Variants in CENPF observed in about 807,000 individuals in gnomAD.
CENPF encodes AH antigen.
CENPF carries 214 observed loss-of-function variants against 307.3 expected under a neutral mutation model. The ratio of observed to expected loss-of-function variants is 0.70; its 90% CI spans 0.62 to 0.78. The LOEUF (loss-of-function observed/expected upper bound fraction) is 0.78. CENPF is among the 30% of genes least tolerant of loss of function. CENPF has a pLI of 0.00. For missense variants in CENPF, 3,401 were observed against 3,483.9 expected (o/e 0.98, Z 0.60); for synonymous variants, 1,259 against 1,270.6 (o/e 0.99, Z 0.19).
chr1:214,644,502 A>C, intron 12 of CENPF, 55 bp from the exon 13 acceptor site: 1 of 1,480,076 alleles, frequency 6.8e-7, no homozygotes, highest in Non-Finnish European at 9.0e-7. Context: ...AATCTATTCT[A>C]TTTTGATTCT....
At chr1:214,626,913 C>T (rs1657670225) in intron 7 of CENPF, among the ~76,000 whole-genome samples, 1 of 152,180 alleles carries the variant, frequency 6.6e-6, no homozygotes, top group African/African-American at 2.4e-5. Context: ...TCCTTTTACA[C>T]TTTACTTATT....
chr1:214,629,254 T>A, intron 8 of CENPF, 83 bp downstream of exon 8: 1 of 1,334,902 alleles, frequency 7.5e-7, no homozygotes, highest in Non-Finnish European at 1.0e-6. Flanking sequence ...AAAGGGGAGT[T>A]GTTATCACAA....
chr1:214,662,733 T>TA (rs1658819149), intron 19 of CENPF, among the ~76,000 whole-genome samples: 1 of 152,190 alleles, frequency 6.6e-6, no homozygotes, highest in Admixed American at 6.5e-5. Context: ...TTCATTTTTC[T>TA]TGCACTTTTT....
intron 7 of CENPF, among the ~76,000 whole-genome samples, chr1:214,623,562 G>C (rs1264999761): frequency 6.6e-6 from 1 of 150,964 alleles, no homozygotes; most frequent in African/African-American, 2.5e-5. Context: ...TGTTGTTGTT[G>C]TTCTTGTTGT....
chr1:214,622,963 A>G (rs111884709), intron 7 of CENPF, among the ~76,000 whole-genome samples: 2,518 of 146,812 alleles, frequency 0.017, 278 homozygotes, highest in African/African-American at 0.065. Flanking sequence ...CCGAATCCCC[A>G]CACTTTGGGA....
chr1:214,651,240 G>A (rs1658452987), intron 14 of CENPF, among the ~76,000 whole-genome samples: 1 of 152,178 alleles, frequency 6.6e-6, no homozygotes, highest in South Asian at 2.1e-4. Context: ...TGAAGGGATG[G>A]GGCAAAAGAT....
intron 16 of CENPF, 145 bp downstream of exon 16, chr1:214,653,134 G>A (rs1466561533): frequency 1.3e-6 from 1 of 760,910 alleles, no homozygotes; most frequent in Non-Finnish European, 2.3e-6. Flanking sequence ...GTTCTCTGCT[G>A]AGTTATCTTT....
At chr1:214,628,345 C>G (rs542502951) in intron 7 of CENPF, among the ~76,000 whole-genome samples, 3 of 151,482 alleles carry the variant, frequency 2.0e-5, no homozygotes, top group Non-Finnish European at 4.4e-5. Flanking sequence ...CAGTAGAGGG[C>G]GCCACGGGTT....
Position 214,657,352 on chromosome 1 carries a change from G to C in CENPF, c.8905G>C (p.Glu2969Gln), listed in dbSNP as rs1658666765. 1.9e-6 allele frequency: 3 copies of C among 1,612,658 alleles called. No homozygotes were observed. Among genetic ancestry groups the C allele is most frequent in the African/African-American group, 1.3e-5 (1 of 74,942 alleles). ...KAVMSGIHPA[E>Q]DTEGTEFEPE... is the part of the protein sequence containing the mutation. The stretch of plus-strand genomic sequence containing the variant: ...AGTCATGAGTGGTATTCACCCTGCA[G>C]AAGACACGGAAGGTACTGAGTTTGA... The change falls in exon 18 of 20, where the codon GAA becomes CAA. Residue 2969 changes from glutamate (E) to glutamine (Q), a missense_variant. By Grantham distance (29) the Glu-to-Gln change is conservative (BLOSUM62 2). Transcript: ENST00000366955.
chr1:214,615,535 A>T (rs1270192355), intron 3 of CENPF, among the ~76,000 whole-genome samples: 1 of 152,130 alleles, frequency 6.6e-6, no homozygotes, highest in African/African-American at 2.4e-5. Context: ...AGAGAATGAG[A>T]GGGAGAACTA....
intron 1 of CENPF, chr1:214,605,446 T>C: frequency 1.9e-6 from 1 of 517,882 alleles, no homozygotes; most frequent in Admixed American, 3.5e-5. Flanking sequence ...GCTTTGTTTT[T>C]TTTTTTTTTT....
intron 10 of CENPF, among the ~76,000 whole-genome samples, chr1:214,636,155 CTAA>C (rs954316715): frequency 6.6e-6 from 1 of 152,188 alleles, no homozygotes; most frequent in Non-Finnish European, 1.5e-5. Context: ...GGAAATACTA[CTAA>C]TAATGCTACA....
At chr1:214,628,334 C>G (rs1571705779) in intron 7 of CENPF, among the ~76,000 whole-genome samples, 1 of 151,652 alleles carries the variant, frequency 6.6e-6, no homozygotes, top group East Asian at 1.9e-4. Context: ...TGAAGGAGTG[C>G]CAGTAGAGGG....
intron 5 of CENPF, 148 bp from the exon 6 acceptor site, chr1:214,620,506 AT>A (rs1261582558): frequency 1.3e-6 from 1 of 796,984 alleles, no homozygotes; most frequent in Non-Finnish European, 2.0e-6. Context: ...TATTAGACTT[AT>A]GGTTTACTTG....
chr1:214,637,727 A>C, intron 10 of CENPF, 139 bp from the exon 11 acceptor site: 1 of 723,744 alleles, frequency 1.4e-6, no homozygotes, highest in Non-Finnish European at 2.2e-6. Flanking sequence ...TGACTTCATT[A>C]GGTACTCAAA....
intron 14 of CENPF, among the ~76,000 whole-genome samples, chr1:214,650,059 C>A (rs998545938): frequency 1.3e-5 from 2 of 152,206 alleles, no homozygotes; most frequent in Non-Finnish European, 2.9e-5. Flanking sequence ...AAATAAGATT[C>A]TTTGCTGTGG....
chr1:214,639,883 A>G (rs370064304), intron 11 of CENPF, 38 bp from the exon 12 acceptor site: 1 of 1,413,406 alleles, frequency 7.1e-7, no homozygotes, highest in Admixed American at 2.7e-5. Context: ...ATAAACATTT[A>G]TTACAAACAT....
rs1168311939 is a variant in CENPF, at chr1:214,630,521, C to G, written c.1195-13C>G. On this transcript the variant is annotated splice_polypyrimidine_tract_variant and intron_variant, in intron 8 of 19. Transcript: ENST00000366955. ...CCATCATCAGGCTGATGCACCTGCC[C>G]TTTGTTTTTCAGGAGCTCTCCCGTC... 2 of 1,613,942 alleles carry G rather than the reference C, an allele frequency of 1.2e-6. No individual in the cohort carries two copies. The highest frequency in any genetic ancestry group is 4.5e-5 in the East Asian group (2 of 44,880).
chr1:214,611,511 G>A (rs535253183), intron 1 of CENPF, among the ~76,000 whole-genome samples: 51 of 152,116 alleles, frequency 3.4e-4, no homozygotes, highest in Non-Finnish European at 5.7e-4. Flanking sequence ...GATTACAGGC[G>A]TCTGCCACCA....
Sources: allele counts gnomAD v4.1 joint callset (sites outside exome capture counted in the v4.1 genomes callset), GRCh38; gene constraint gnomAD v4.1.1; transcripts MANE v1.5; gene names NCBI Gene and HGNC (gene_info 2026-07-23, HGNC 2026-07-21).